Variants in PIK3C2A observed in about 807,000 individuals in gnomAD.
PIK3C2A encodes phosphatidylinositol-4-phosphate 3-kinase catalytic subunit type 2 alpha.
In PIK3C2A, 97 loss-of-function variants were observed where a neutral mutation model predicts 204.5. The ratio of observed to expected loss-of-function variants is 0.47; its 90% CI spans 0.40 to 0.56. The LOEUF (loss-of-function observed/expected upper bound fraction) is 0.56, where lower values mean the gene tolerates loss of function less well. PIK3C2A is among the 20% of genes least tolerant of loss of function. PIK3C2A has a pLI of 0.00. For missense variants in PIK3C2A, 1,735 were observed against 1,969.2 expected (o/e 0.88, Z 2.25); for synonymous variants, 653 against 664.4 (o/e 0.98, Z 0.26).
intron 27 of PIK3C2A, among the ~76,000 whole-genome samples, chr11:17,094,900 C>G (rs1436071040): frequency 6.6e-6 from 1 of 152,168 alleles, no homozygotes; most frequent in Non-Finnish European, 1.5e-5. Context: ...ATTTATAACA[C>G]ATCTAACTAC....
At chr11:17,112,023 A>G (rs1849019592) in intron 21 of PIK3C2A, among the ~76,000 whole-genome samples, 1 of 152,144 alleles carries the variant, frequency 6.6e-6, no homozygotes, top group Admixed American at 6.5e-5. Context: ...ATGTGAGTAC[A>G]AAGGAATTTA....
intron 25 of PIK3C2A, among the ~76,000 whole-genome samples, chr11:17,100,713 T>C (rs1848601226): frequency 6.6e-6 from 1 of 152,234 alleles, no homozygotes; most frequent in Non-Finnish European, 1.5e-5. Flanking sequence ...ATGTCTATTA[T>C]TCTACTCTTT....
intron 1 of PIK3C2A, among the ~76,000 whole-genome samples, chr11:17,191,313 G>A (rs1851936122): frequency 1.3e-5 from 2 of 152,190 alleles, no homozygotes; most frequent in Admixed American, 1.3e-4. Flanking sequence ...TTAGGATGGG[G>A]ACTTTGGGTC....
At position 17,198,817 on chromosome 11, in the gene PIK3C2A, A is replaced by AAAAC. The variant is rs1852256601; in HGVS notation, c.-66+9030_-66+9031insGTTT. 1.1e-4 allele frequency among the ~76,000 whole-genome samples: 3 copies of AAAAC among 27,006 alleles called. No individual in the cohort carries two copies. The South Asian group carries it at 4.0e-3, about 36-fold the overall frequency. The allele number at this position is 27,006 out of a possible 152,430, so 17.7% of individuals were successfully genotyped here. ...GACCTCATAAAAAACAAAACAAAAC[A>AAAAC]AAAAAAAAAAGCCACCTTAGTCTGG... On this transcript the variant is annotated intron_variant, in intron 1 of 32. Transcript: ENST00000691414.
chr11:17,194,783 C>T lies in PIK3C2A; in HGVS notation c.-66+13065G>A, dbSNP rs1257588465. On this transcript the variant is annotated intron_variant, in intron 1 of 32. Transcript: ENST00000691414. Reference sequence around the variant, plus strand: ...AATTAGCTGGGCATGGTGGCACATGCCTGTTATCCCAGCTACTCGGGAGTC... The same window carrying T: ...AATTAGCTGGGCATGGTGGCACATGTCTGTTATCCCAGCTACTCGGGAGTC... Among the ~76,000 whole-genome samples, 3 of 152,020 alleles carry T rather than the reference C, an allele frequency of 2.0e-5. No homozygotes were observed. The East Asian group carries it at 5.8e-4, about 29-fold the overall frequency.
intron 1 of PIK3C2A, among the ~76,000 whole-genome samples, chr11:17,191,895 C>G (rs59310236): frequency 6.7e-6 from 1 of 149,744 alleles, no homozygotes; most frequent in South Asian, 2.1e-4. Context: ...CACTTTGGGA[C>G]GTCAAGGTGG....
intron 1 of PIK3C2A, among the ~76,000 whole-genome samples, chr11:17,190,866 T>C (rs1033832268): frequency 2.6e-5 from 4 of 152,240 alleles, no homozygotes; most frequent in East Asian, 3.9e-4. Flanking sequence ...TGGTCTAATA[T>C]AATGTGTAAT....
chr11:17,110,405 A>G, intron 22 of PIK3C2A, 27 bp downstream of exon 22: 1 of 1,571,692 alleles, frequency 6.4e-7, no homozygotes, highest in Non-Finnish European at 8.6e-7. Flanking sequence ...AAAAAATAAG[A>G]CATCAAGACA....
chr11:17,172,865 C>CA (rs943760585), intron 1 of PIK3C2A, among the ~76,000 whole-genome samples: 2 of 152,164 alleles, frequency 1.3e-5, no homozygotes, highest in African/African-American at 4.8e-5. Flanking sequence ...TCCTGTGCCA[C>CA]AAAAAAGCTT....
intron 2 of PIK3C2A, 73 bp downstream of exon 2, chr11:17,168,604 A>C (rs1851050694): frequency 8.9e-7 from 1 of 1,128,628 alleles, no homozygotes; most frequent in Non-Finnish European, 1.3e-6. Flanking sequence ...AAAACAAAAA[A>C]ACACAAATTA....
intron 13 of PIK3C2A, among the ~76,000 whole-genome samples, chr11:17,124,036 CAT>C (rs142763008): frequency 1.3e-4 from 19 of 148,908 alleles, no homozygotes; most frequent in Middle Eastern, 3.4e-3. Context: ...TATAATCCAT[CAT>C]ATATATATAT....
intron 12 of PIK3C2A, among the ~76,000 whole-genome samples, chr11:17,130,841 A>G (rs1849670085): frequency 6.6e-6 from 1 of 151,720 alleles, no homozygotes; most frequent in Non-Finnish European, 1.5e-5. Context: ...AAAAAACACT[A>G]TTTAAAAAAT....
intron 3 of PIK3C2A, among the ~76,000 whole-genome samples, chr11:17,151,274 G>A (rs1298615815): frequency 6.6e-6 from 1 of 152,146 alleles, no homozygotes. Context: ...ACATGAATGT[G>A]GTGTATGGCT....
chr11:17,110,896 ATTATTTATTTAT>A (rs539022518), intron 21 of PIK3C2A, among the ~76,000 whole-genome samples: 2 of 152,026 alleles, frequency 1.3e-5, no homozygotes, highest in South Asian at 4.2e-4. Flanking sequence ...ATTATATTCA[ATTATTTATTTAT>A]TTATTTATTT....
At chr11:17,197,453 C>T (rs1221758587) in intron 1 of PIK3C2A, among the ~76,000 whole-genome samples, 1 of 152,152 alleles carries the variant, frequency 6.6e-6, no homozygotes, top group African/African-American at 2.4e-5. Flanking sequence ...TTAATATCCA[C>T]TAGTAGTCAT....
intron 1 of PIK3C2A, among the ~76,000 whole-genome samples, chr11:17,180,872 T>G (rs1425628499): frequency 1.3e-5 from 2 of 152,176 alleles, no homozygotes; most frequent in Admixed American, 1.3e-4. Context: ...TGCCTTCAAA[T>G]CAAGGGTTCC....
At chr11:17,113,697 A>G (rs941067470) in intron 20 of PIK3C2A, among the ~76,000 whole-genome samples, 11 of 148,026 alleles carry the variant, frequency 7.4e-5, no homozygotes, top group Admixed American at 5.5e-4. Context: ...CAGGAGAATC[A>G]CTTGAACCTG....
chr11:17,188,591 C>A (rs1851836755), intron 1 of PIK3C2A, among the ~76,000 whole-genome samples: 3 of 146,642 alleles, frequency 2.0e-5, no homozygotes, highest in Non-Finnish European at 4.4e-5. Context: ...GGAGGTAAAG[C>A]TGAGTAGTCT....
chr11:17,118,667 G>T lies in PIK3C2A; in HGVS notation c.3013C>A (p.Gln1005Lys). The change falls in exon 18 of 33, where the codon CAG becomes AAG. Residue 1005 changes from glutamine (Q) to lysine (K), a missense_variant. Gln to Lys is a moderately conservative substitution (Grantham distance 53). Around this residue, in one of 6 missense-constraint regions of PIK3C2A, gnomAD observed 567 missense variants for 576.0 expected, o/e 0.98. Coordinates refer to ENST00000691414, the MANE Select transcript of PIK3C2A (RefSeq NM_002645.4). Reference sequence around the variant, plus strand: ...TACCAATATAAATTGTGTGCTATCTGGATATTTCCCAATGCCCTGGACAAA... The same window carrying T: ...TACCAATATAAATTGTGTGCTATCTTGATATTTCCCAATGCCCTGGACAAA... ...FLLSRALGNI[Q>K]IAHNLYWLLK... 6.7e-7 allele frequency: 1 copy of T among 1,499,878 alleles called. No homozygotes were observed. The highest frequency in any genetic ancestry group is 9.3e-7 in the Non-Finnish European group (1 of 1,080,236). 92.9% of individuals were successfully genotyped at this position (1,499,878 alleles called of 1,614,324 possible). A position where few individuals can be genotyped will look rare whatever the true frequency, so the allele number is the denominator to read the frequency against.
Sources: gnomAD v4.1 joint callset for allele counts (sites outside exome capture counted in the v4.1 genomes callset) on GRCh38, gnomAD v4.1.1 for gene constraint, gnomAD v4.1.1 regional missense constraint, MANE v1.5 for transcripts, NCBI Gene and HGNC (gene_info 2026-07-23, HGNC 2026-07-21) for gene names.